Variants in PPM1N observed in about 807,000 individuals in gnomAD.
PPM1N encodes the protein protein phosphatase, Mg2+/Mn2+ dependent 1N (putative).
In PPM1N, 35 loss-of-function variants were observed where a neutral mutation model predicts 32.6. The observed-to-expected ratio is 1.07, with a 90% confidence interval of 0.82 to 1.43. PPM1N has a LOEUF of 1.43. PPM1N is among the 40% of genes most tolerant of loss of function. The probability of loss-of-function intolerance (pLI) is 0.00; values close to 1 mark genes in which losing one functional copy is unlikely to be tolerated. For missense variants in PPM1N, 648 were observed against 606.6 expected (o/e 1.07, Z -0.72); for synonymous variants, 275 against 270.5 (o/e 1.02, Z -0.16).
At position 45,499,042 on chromosome 19, in the gene PPM1N, T is replaced by C; in HGVS notation, c.570T>C (p.Ala190=). The part of the protein sequence containing the change: ...CGDSRAVLSR[A]GAVAFSTEDH... ...ACTCCCGCGCGGTGCTGAGCCGCGC[T>C]GGCGCCGTGGCCTTCAGCACAGAGG... Residue 190 remains alanine (A), a synonymous_variant, in exon 1 of 5, where the codon GCT becomes GCC. Coordinates refer to ENST00000451287, the MANE Select transcript of PPM1N (RefSeq NM_001080401.2). The C allele has an allele frequency of 6.5e-7, 1 of 1,534,424 alleles. No individual in the cohort carries two copies. Among genetic ancestry groups the C allele is most frequent in the Middle Eastern group, 1.7e-4 (1 of 5,846 alleles).
intron 2 of PPM1N, among the ~76,000 whole-genome samples, 151 bp downstream of exon 2, chr19:45,500,217 C>T (rs10425818): frequency 1.6e-4 from 24 of 152,152 alleles, no homozygotes; most frequent in African/African-American, 5.8e-4. Flanking sequence ...TCACTGCAAC[C>T]TCTGCCTTCC....
Position 45,499,319 on chromosome 19 carries a change from G to A in PPM1N, c.847G>A (p.Ala283Thr), listed in dbSNP as rs1345593012. ...TGGCGTCTGGGACACTGTGTCTGGT[G>A]CTGCCCTGGCGGGACTGGTGGCTTC... The part of the protein sequence containing the change: ...SDGVWDTVSG[A>T]ALAGLVASRL... The change falls in exon 1 of 5, where the codon GCT (alanine) becomes ACT (threonine). Residue 283 changes from alanine (A) to threonine (T), a missense_variant. Physicochemically the swap from Ala to Thr is moderately conservative, Grantham distance 58 (BLOSUM62 0). Coordinates refer to ENST00000451287, the MANE Select transcript of PPM1N (RefSeq NM_001080401.2). 8.7e-6 allele frequency: 14 copies of A among 1,612,976 alleles called. No individual in the cohort carries two copies. Among genetic ancestry groups the A allele is most frequent in the African/African-American group, 1.3e-5 (1 of 74,934 alleles).
intron 1 of PPM1N, 134 bp downstream of exon 1, chr19:45,499,545 G>C (rs2122245925): frequency 6.4e-7 from 1 of 1,551,202 alleles, no homozygotes; most frequent in South Asian, 1.2e-5. Flanking sequence ...CTCAAGCGAA[G>C]GGCGTGGCCT....
chr19:45,499,211 G>A lies in PPM1N; in HGVS notation c.739G>A (p.Glu247Lys). ...CAAGGAGGCTCCGGGGAGGCCCCCCGAGCTACAGCTCGTTTCTGCGGAGCC... is the reference window on the plus strand; with the variant it reads ...CAAGGAGGCTCCGGGGAGGCCCCCCAAGCTACAGCTCGTTTCTGCGGAGCC... ...TYKEAPGRPP[E>K]LQLVSAEPEV... Residue 247 changes from glutamate (E) to lysine (K), a missense_variant, in exon 1 of 5, where the codon GAG (glutamate) becomes AAG (lysine). Glu to Lys is a moderately conservative substitution (Grantham distance 56, BLOSUM62 1). Coordinates refer to ENST00000451287, the MANE Select transcript of PPM1N (RefSeq NM_001080401.2). 5 of 1,568,284 alleles carry A rather than the reference G, an allele frequency of 3.2e-6. No homozygotes were observed. Among genetic ancestry groups the A allele is most frequent in the Non-Finnish European group, 4.3e-6 (5 of 1,162,522 alleles).
intron 3 of PPM1N, 33 bp from the exon 4 acceptor site, chr19:45,500,617 G>C: frequency 8.8e-6 from 14 of 1,588,138 alleles, no homozygotes; most frequent in Non-Finnish European, 1.2e-5. Flanking sequence ...AAGGAGGAGA[G>C]TCCCCTCCTG....
Position 45,500,704 on chromosome 19 carries a change from C to A in PPM1N, c.1218C>A (p.Cys406Ter), listed in dbSNP as rs779326193. The A allele has an allele frequency of 2.5e-6, 4 of 1,599,154 alleles. No individual in the cohort carries two copies. The highest frequency in any genetic ancestry group is 3.4e-6 in the Non-Finnish European group (4 of 1,173,096). Residue 406 changes from cysteine (C) to a stop codon, truncating the protein, a stop_gained, in exon 4 of 5, where the codon TGC (cysteine) becomes TGA (stop). Transcript: ENST00000451287. LOFTEE classifies it low-confidence loss of function (END_TRUNC). ...AGATCTGCCAGGTCTCAGAAGAGTG[C>A]GGAGAGGTAAGGATCCTGTGTTCTC... ...YSQICQVSEE[C>*]GEKGQDGAGK...
rs556163420 is a variant in PPM1N, at chr19:45,502,280, C to G, written c.*195C>G. ...ACGAATGGGGAAATTCCACCAACAT[C>G]CAGACCAAAAAGAAAAAAGCCCAAA... is the stretch of plus-strand genomic sequence containing the variant. On this transcript the variant is annotated 3_prime_UTR_variant, in exon 5 of 5. Coordinates refer to ENST00000451287, the MANE Select transcript of PPM1N (RefSeq NM_001080401.2). The G allele has an allele frequency of 1.3e-5, 3 of 234,394 alleles. No individual in the cohort carries two copies. The highest frequency in any genetic ancestry group is 8.5e-5 in the African/African-American group (3 of 35,346). The allele number at this position is 234,394 out of a possible 1,614,324, so 14.5% of individuals were successfully genotyped here.
rs1968365901 is a variant in PPM1N, at chr19:45,499,208, C to G, written c.736C>G (p.Pro246Ala). The change falls in exon 1 of 5, where the codon CCC becomes GCC. Residue 246 changes from proline (P) to alanine (A), a missense_variant. By Grantham distance (27) the Pro-to-Ala change is conservative. Transcript: ENST00000451287. Reference sequence around the variant, plus strand: ...CTACAAGGAGGCTCCGGGGAGGCCCCCCGAGCTACAGCTCGTTTCTGCGGA... The same window carrying G: ...CTACAAGGAGGCTCCGGGGAGGCCCGCCGAGCTACAGCTCGTTTCTGCGGA... ...FTYKEAPGRP[P>A]ELQLVSAEPE... 1.3e-6 allele frequency: 2 copies of G among 1,566,174 alleles called. No individual in the cohort carries two copies. Among genetic ancestry groups the G allele is most frequent in the Middle Eastern group, 1.7e-4 (1 of 5,876 alleles).
Position 45,499,279 on chromosome 19 carries a change from G to A in PPM1N, c.807G>A (p.Met269Ile), listed in dbSNP as rs372837632. 17 of 1,612,382 alleles carry A rather than the reference G, an allele frequency of 1.1e-5. No individual in the cohort carries two copies. Among genetic ancestry groups the A allele is most frequent in the Non-Finnish European group, 1.4e-5 (16 of 1,179,710 alleles). ...ALARQAEDEF[M>I]LLASDGVWDT... ...CACGCCAGGCTGAGGACGAGTTCAT[G>A]CTCCTGGCCTCTGATGGCGTCTGGG... Residue 269 changes from methionine (M) to isoleucine (I), a missense_variant, in exon 1 of 5, where the codon ATG becomes ATA. By Grantham distance (10) the Met-to-Ile change is conservative. Coordinates refer to ENST00000451287, the MANE Select transcript of PPM1N (RefSeq NM_001080401.2).
chr19:45,498,935 TG>T lies in PPM1N; in HGVS notation c.465del (p.Trp155CysfsTer33). 7 of 1,545,998 alleles carry T rather than the reference TG, an allele frequency of 4.5e-6. No individual in the cohort carries two copies. Among genetic ancestry groups the T allele is most frequent in the Non-Finnish European group, 6.1e-6 (7 of 1,154,808 alleles). ...LSADERLRSL[W>X]PRVETGGCTA... Reference sequence around the variant, plus strand: ...CGCCGACGAGCGCCTGCGCTCCCTCTGGCCCCGCGTGGAAACGGGCGGCTGC... The same window carrying T: ...CGCCGACGAGCGCCTGCGCTCCCTCTGCCCCGCGTGGAAACGGGCGGCTGC... On this transcript the variant is annotated frameshift_variant, in exon 1 of 5. Transcript: ENST00000451287. LOFTEE classifies it high-confidence loss of function.
intron 1 of PPM1N, 54 bp from the exon 2 acceptor site, chr19:45,499,895 A>G (rs1968382814): frequency 6.5e-7 from 1 of 1,536,452 alleles, no homozygotes; most frequent in Non-Finnish European, 8.8e-7. Flanking sequence ...GATTGTTGGG[A>G]AGCTCTGCCT....
chr19:45,499,554 C>A, intron 1 of PPM1N, 143 bp downstream of exon 1: 3 of 1,550,312 alleles, frequency 1.9e-6, no homozygotes, highest in Non-Finnish European at 2.6e-6. Flanking sequence ...AGGGCGTGGC[C>A]TGAAGTGGGC....
At position 45,499,178 on chromosome 19, in the gene PPM1N, T is replaced by C; in HGVS notation, c.706T>C (p.Phe236Leu). The change falls in exon 1 of 5, where the codon TTT becomes CTT. Residue 236 changes from phenylalanine (F) to leucine (L), a missense_variant. Coordinates refer to ENST00000451287, the MANE Select transcript of PPM1N (RefSeq NM_001080401.2). ...SLAVSRALGD[F>L]TYKEAPGRPP... ...GGCCGTGTCGCGAGCGTTGGGCGAC[T>C]TTACCTACAAGGAGGCTCCGGGGAG... 6.5e-7 allele frequency: 1 copy of C among 1,533,678 alleles called. No individual in the cohort carries two copies.
At chr19:45,501,365 T>C (rs1010277301) in intron 4 of PPM1N, among the ~76,000 whole-genome samples, 4 of 151,844 alleles carry the variant, frequency 2.6e-5, no homozygotes, top group East Asian at 1.9e-4. Flanking sequence ...AGGCATGGAG[T>C]GGCATCAGGG....
intron 2 of PPM1N, 41 bp from the exon 3 acceptor site, chr19:45,500,415 G>T (rs747712907): frequency 6.5e-7 from 1 of 1,534,086 alleles, no homozygotes; most frequent in African/African-American, 1.4e-5. Context: ...GATTACAGGC[G>T]TGCGCCACTG....
rs1286019456 is a variant in PPM1N, at chr19:45,502,493, A to G, written c.*408A>G. On this transcript the variant is annotated 3_prime_UTR_variant, in exon 5 of 5. Coordinates refer to ENST00000451287, the MANE Select transcript of PPM1N (RefSeq NM_001080401.2). ...TTTATTTACATAAGTGATTCCAAAT[A>G]CATTTTCTTGTAAAAAACAAGAAGA... 2 of 360,364 alleles carry G rather than the reference A, an allele frequency of 5.5e-6. No homozygotes were observed. The highest frequency in any genetic ancestry group is 4.3e-5 in the African/African-American group (2 of 46,590). The allele number at this position is 360,364 out of a possible 1,614,324, so 22.3% of individuals were successfully genotyped here. A position where few individuals can be genotyped will look rare whatever the true frequency, so the allele number is the denominator to read the frequency against.
rs1409108960 is a variant in PPM1N, at chr19:45,498,630, A to C, written c.158A>C (p.Gln53Pro). The part of the protein sequence containing the change: ...RSLLTAPRRA[Q>P]RPHGGAEASG... The stretch of plus-strand genomic sequence containing the variant: ...CTGTTGACAGCGCCGCGCCGCGCCC[A>C]GCGGCCGCACGGGGGTGCCGAGGCG... Residue 53 changes from glutamine to proline, a missense_variant, in exon 1 of 5, where the codon CAG becomes CCG. Transcript: ENST00000451287. The C allele has an allele frequency of 7.1e-7, 1 of 1,414,504 alleles. No homozygotes were observed. The highest frequency in any genetic ancestry group is 1.5e-5 in the African/African-American group (1 of 65,946). 87.6% of individuals were successfully genotyped at this position (1,414,504 alleles called of 1,614,324 possible).
In PPM1N at chr19:45,498,557, G is replaced by A; in HGVS notation, c.85G>A (p.Glu29Lys). The A allele has an allele frequency of 7.1e-7, 1 of 1,409,710 alleles. No individual in the cohort carries two copies. 87.3% of individuals were successfully genotyped at this position (1,409,710 alleles called of 1,614,324 possible). A position where few individuals can be genotyped will look rare whatever the true frequency, so the allele number is the denominator to read the frequency against. ...KEREKEGREE[E>K]EEEEAGRRAP... ...GAGGGAGAAGGAGGGGAGGGAGGAA[G>A]AGGAGGAGGAGGAGGCGGGGCGCAG... The change falls in exon 1 of 5, where the codon GAG (glutamate) becomes AAG (lysine). Residue 29 changes from glutamate to lysine, a missense_variant. Glu to Lys is a moderately conservative substitution (Grantham distance 56, BLOSUM62 1). Transcript: ENST00000451287.
intron 4 of PPM1N, 73 bp from the exon 5 acceptor site, chr19:45,501,944 C>A: frequency 9.4e-7 from 1 of 1,065,682 alleles, no homozygotes; most frequent in South Asian, 1.9e-5. Flanking sequence ...GGTGGTCCCT[C>A]AAAGGAAAAG....
Sources: allele counts gnomAD v4.1 joint callset (sites outside exome capture counted in the v4.1 genomes callset), GRCh38; gene constraint gnomAD v4.1.1; transcripts MANE v1.5; gene names NCBI Gene and HGNC (gene_info 2026-07-23, HGNC 2026-07-21).